Variants in CERS5 observed in about 807,000 individuals in gnomAD.
CERS5 encodes ceramide synthase 5.
CERS5 carries 37 observed loss-of-function variants against 58.9 expected under a neutral mutation model. The ratio of observed to expected loss-of-function variants is 0.63; its 90% CI spans 0.48 to 0.83. CERS5 has a LOEUF of 0.83. Ranked by LOEUF, CERS5 falls within the 40% of genes least tolerant of loss-of-function variation. The pLI is 0.00. For missense variants in CERS5, 398 were observed against 489.3 expected, an observed-to-expected ratio of 0.81 and a Z score of 1.76; for synonymous variants, 147 against 177.8, an observed-to-expected ratio of 0.83 and a Z score of 1.38.
chr12:50,154,085 C>A, intron 1 of CERS5: 1 of 228,156 alleles, frequency 4.4e-6, no homozygotes, highest in Non-Finnish European at 9.1e-6. Context: ...TGTGGCTGGG[C>A]GTGGCACGCC....
chr12:50,130,994 T>A (rs1951287961), intron 9 of CERS5, among the ~76,000 whole-genome samples: 1 of 152,192 alleles, frequency 6.6e-6, no homozygotes, highest in African/African-American at 2.4e-5. Flanking sequence ...CTGGTTTAGG[T>A]TTCAGACACC....
At chr12:50,163,348 G>A (rs188998991) in intron 1 of CERS5, among the ~76,000 whole-genome samples, 60 of 152,154 alleles carry the variant, frequency 3.9e-4, no homozygotes, top group African/African-American at 1.3e-3. Context: ...ACAGGCGCCC[G>A]CCACTACGCG....
intron 1 of CERS5, among the ~76,000 whole-genome samples, chr12:50,156,613 G>C (rs1938687632): frequency 6.6e-6 from 1 of 151,564 alleles, no homozygotes; most frequent in Admixed American, 6.6e-5. Context: ...AAATTTATCA[G>C]TATTAGTTTT....
At chr12:50,163,846 G>A (rs755323742) in intron 1 of CERS5, among the ~76,000 whole-genome samples, 3 of 151,022 alleles carry the variant, frequency 2.0e-5, no homozygotes, top group Non-Finnish European at 4.4e-5. Context: ...TAGAGACAAG[G>A]TTTCACCATG....
At chr12:50,147,611 G>C (rs1042302310) in intron 1 of CERS5, among the ~76,000 whole-genome samples, 1 of 152,144 alleles carries the variant, frequency 6.6e-6, no homozygotes, top group Non-Finnish European at 1.5e-5. Context: ...TCTCATGAGA[G>C]TACAGTGGAA....
At chr12:50,132,670 A>AGAT (rs968485203) in intron 9 of CERS5, among the ~76,000 whole-genome samples, 7 of 152,058 alleles carry the variant, frequency 4.6e-5, no homozygotes, top group Admixed American at 4.6e-4. Flanking sequence ...CTCTGAACTT[A>AGAT]GATGACTAAC....
intron 1 of CERS5, among the ~76,000 whole-genome samples, chr12:50,162,184 C>CT (rs75460499): frequency 0.028 from 3,652 of 129,166 alleles, 107 homozygotes; most frequent in African/African-American, 0.07. Context: ...CTGATTTGTT[C>CT]TTTTTTTTTT....
intron 1 of CERS5, among the ~76,000 whole-genome samples, chr12:50,164,784 G>C (rs1212036609): frequency 6.6e-6 from 1 of 152,118 alleles, no homozygotes; most frequent in African/African-American, 2.4e-5. Context: ...CCATCTGAGG[G>C]AACACTTTGG....
At chr12:50,137,617 G>C in intron 6 of CERS5, 111 bp downstream of exon 6, 1 of 623,516 alleles carries the variant, frequency 1.6e-6, no homozygotes, top group Non-Finnish European at 2.9e-6. Context: ...ATCAAACCCA[G>C]TTTCTCCTTT....
At chr12:50,157,850 A>G (rs1938826509) in intron 1 of CERS5, among the ~76,000 whole-genome samples, 1 of 152,098 alleles carries the variant, frequency 6.6e-6, no homozygotes, top group Non-Finnish European at 1.5e-5. Context: ...TGGAAGCATC[A>G]CTTGAGCTCA....
chr12:50,150,384 A>G (rs1937829241), intron 1 of CERS5, among the ~76,000 whole-genome samples: 1 of 152,160 alleles, frequency 6.6e-6, no homozygotes, highest in Non-Finnish European at 1.5e-5. Flanking sequence ...AATGAAATAA[A>G]AAAAAGTTTG....
intron 1 of CERS5, among the ~76,000 whole-genome samples, chr12:50,166,832 AC>A (rs761503744): frequency 1.3e-5 from 2 of 150,108 alleles, no homozygotes; most frequent in African/African-American, 4.9e-5. Flanking sequence ...GGCCTATATG[AC>A]CCCCCCAATC....
rs1345933474 is a variant in CERS5, at chr12:50,130,280, G to A, written c.*265C>T. The A allele has an allele frequency of 2.0e-5, 6 of 304,690 alleles. No individual in the cohort carries two copies. In the South Asian group the frequency reaches 3.6e-4, roughly 18 times the overall value. The allele number at this position is 304,690 out of a possible 1,614,324, so 18.9% of individuals were successfully genotyped here. On this transcript the variant is annotated 3_prime_UTR_variant, in exon 10 of 10. Coordinates refer to ENST00000317551, the MANE Select transcript of CERS5 (RefSeq NM_147190.5). ...CAGTCCACAATTGTGCCCCAACCCC[G>A]GCAATGAAACTCACGCATATGCACA...
chr12:50,167,240 G>A lies in CERS5; in HGVS notation c.58C>T (p.Arg20Cys), dbSNP rs143484198. 10,280 of 1,601,146 alleles carry A rather than the reference G, an allele frequency of 6.4e-3. 53 individuals are homozygous for A. Among genetic ancestry groups the A allele is most frequent in the Non-Finnish European group, 7.3e-3 (8,619 of 1,176,136 alleles). ...CTCACGTTCTCGGGTAGCCAGAAGC[G>A]CTCGCTCCACAGCCAGCCCCACAGC... The part of the protein sequence containing the change: ...SLLWGWLWSE[R>C]FWLPENVSWA... Residue 20 changes from arginine to cysteine, a missense_variant, in exon 1 of 10, where the codon CGC (arginine) becomes TGC (cysteine). Physicochemically the swap from Arg to Cys is radical, Grantham distance 180. Coordinates refer to ENST00000317551, the MANE Select transcript of CERS5 (RefSeq NM_147190.5).
intron 1 of CERS5, among the ~76,000 whole-genome samples, chr12:50,146,453 G>A (rs1952271611): frequency 6.6e-6 from 1 of 152,114 alleles, no homozygotes; most frequent in Non-Finnish European, 1.5e-5. Flanking sequence ...ATCATGGAGT[G>A]GACTTAACAA....
At chr12:50,147,181 A>T (rs1592384449) in intron 1 of CERS5, 1 of 152,050 alleles carries the variant, frequency 6.6e-6, no homozygotes, top group Non-Finnish European at 1.5e-5. Flanking sequence ...AGGCGGGCGG[A>T]TCACGAGGTC....
At chr12:50,142,998 T>C in intron 3 of CERS5, 76 bp downstream of exon 3, 1 of 1,451,178 alleles carries the variant, frequency 6.9e-7, no homozygotes, top group Non-Finnish European at 9.3e-7. Flanking sequence ...ACAGAAGTGA[T>C]GTTCAAAACA....
chr12:50,134,371 C>T (rs757747155), intron 9 of CERS5, 175 bp downstream of exon 9: 2 of 1,533,586 alleles, frequency 1.3e-6, no homozygotes, highest in Non-Finnish European at 1.7e-6. Flanking sequence ...AAGACCTTGT[C>T]TCTAAAATAA....
rs1464214360 is a variant in CERS5 at position 50,167,032 on chromosome 12, G to T, written c.197+69C>A. 12 of 1,235,886 alleles carry T rather than the reference G, an allele frequency of 9.7e-6. No individual in the cohort carries two copies. The Admixed American group carries it at 3.4e-4, about 35-fold the overall frequency. The allele number at this position is 1,235,886 out of a possible 1,614,324, so 76.6% of individuals were successfully genotyped here. On this transcript the variant is annotated intron_variant, in intron 1 of 9. Coordinates refer to ENST00000317551, the MANE Select transcript of CERS5 (RefSeq NM_147190.5). Reference sequence around the variant, plus strand: ...CCTTGCAGTTCTGCTTCCGGCCCTCGGCCCTTCCCACAGCGGGGCGCCCCC... The same window carrying T: ...CCTTGCAGTTCTGCTTCCGGCCCTCTGCCCTTCCCACAGCGGGGCGCCCCC...
Sources: gnomAD v4.1 joint callset for allele counts (sites outside exome capture counted in the v4.1 genomes callset) on GRCh38, gnomAD v4.1.1 for gene constraint, MANE v1.5 for transcripts, NCBI Gene and HGNC (gene_info 2026-07-23, HGNC 2026-07-21) for gene names.